The following CSMD2 variants were observed in gnomAD, a reference collection of about 807,000 sequenced individuals.
The protein encoded by CSMD2 is CUB and sushi domain-containing protein 2.
CSMD2 carries 130 observed loss-of-function variants against 398.5 expected under a neutral mutation model. The ratio of observed to expected loss-of-function variants is 0.33; its 90% CI spans 0.28 to 0.38. CSMD2 has a LOEUF of 0.38. CSMD2 is among the 10% of genes least tolerant of loss of function. CSMD2 has a pLI of 1.00. For synonymous variants in CSMD2, 1,828 were observed against 1,908.5 expected (o/e 0.96, Z 1.10); for missense variants, 3,829 against 4,764.9 (o/e 0.80, Z 5.78).
At chr1:34,000,944 T>G (rs1303794763) in intron 3 of CSMD2, among the ~76,000 whole-genome samples, 43 of 118,036 alleles carry the variant, frequency 3.6e-4, no homozygotes, top group South Asian at 1.1e-3. Context: ...GAAGGGGAGG[T>G]GGAGGAGGAA....
At chr1:33,549,251 C>T (rs962722402) in intron 56 of CSMD2, among the ~76,000 whole-genome samples, 5 of 152,152 alleles carry the variant, frequency 3.3e-5, no homozygotes, top group South Asian at 2.1e-4. Flanking sequence ...GGTCATGATC[C>T]TTTCCTCTGA....
At chr1:33,832,823 C>T (rs1659758163) in intron 6 of CSMD2, among the ~76,000 whole-genome samples, 1 of 152,014 alleles carries the variant, frequency 6.6e-6, no homozygotes, top group South Asian at 2.1e-4. Context: ...GGGGATATCA[C>T]CACTGATCCC....
intron 13 of CSMD2, among the ~76,000 whole-genome samples, chr1:33,760,979 G>A (rs748289294): frequency 6.6e-6 from 1 of 152,168 alleles, no homozygotes; most frequent in South Asian, 2.1e-4. Flanking sequence ...GAATGAACAG[G>A]TAACTCCAAG....
chr1:33,906,877 A>G (rs1050842914), intron 5 of CSMD2, among the ~76,000 whole-genome samples: 4 of 152,094 alleles, frequency 2.6e-5, no homozygotes, highest in African/African-American at 4.8e-5. Context: ...GTACAGCAAG[A>G]AGGAATGGAC....
In CSMD2 at chr1:33,714,792, A is replaced by G; in HGVS notation, c.3218-17T>C. The G allele has an allele frequency of 6.2e-7, 1 of 1,612,574 alleles. No individual in the cohort carries two copies. Among genetic ancestry groups the G allele is most frequent in the Admixed American group, 1.7e-5 (1 of 59,962 alleles). On this transcript the variant is annotated splice_polypyrimidine_tract_variant and intron_variant, in intron 20 of 70. Transcript: ENST00000373381. The stretch of plus-strand genomic sequence containing the variant: ...AGTCGTACTCTGGAAAGGTAGCAGG[A>G]GATCCGGGCTCAGAGACATTGCGGG...
intron 15 of CSMD2, among the ~76,000 whole-genome samples, chr1:33,729,470 T>A (rs562634150): frequency 2.3e-4 from 34 of 146,100 alleles, no homozygotes; most frequent in African/African-American, 8.0e-4. Context: ...TTTTTTTTTT[T>A]AATTTTTTAA....
chr1:33,761,794 A>G (rs1005856446), intron 13 of CSMD2, among the ~76,000 whole-genome samples: 2 of 152,210 alleles, frequency 1.3e-5, no homozygotes, highest in African/African-American at 4.8e-5. Flanking sequence ...TCTCCATGAC[A>G]CAAGGAAGTA....
chr1:33,944,489 C>T lies in CSMD2; in HGVS notation c.518-8535G>A, dbSNP rs191743142. ...AGGGAAGGGCTTGTGTATTTATAGC[C>T]TCCACCCTTCCCCATTAAAATAGGA... On this transcript the variant is annotated intron_variant, in intron 3 of 70. Coordinates refer to ENST00000373381, the MANE Select transcript of CSMD2 (RefSeq NM_001281956.2). 2.6e-4 allele frequency among the ~76,000 whole-genome samples: 40 copies of T among 152,256 alleles called. No homozygotes were observed. In the East Asian group the frequency reaches 7.7e-3, roughly 29 times the overall value.
At chr1:33,827,735 T>C (rs1396976050) in intron 6 of CSMD2, among the ~76,000 whole-genome samples, 8 of 152,238 alleles carry the variant, frequency 5.3e-5, no homozygotes, top group Admixed American at 5.2e-4. Flanking sequence ...CTGGTAGTTA[T>C]TATACCTACT....
At chr1:33,670,764 A>G (rs1193191310) in intron 25 of CSMD2, among the ~76,000 whole-genome samples, 1 of 152,238 alleles carries the variant, frequency 6.6e-6, no homozygotes, top group Non-Finnish European at 1.5e-5. Context: ...TTCAGATAGC[A>G]TACTAGGCAC....
intron 1 of CSMD2, among the ~76,000 whole-genome samples, chr1:34,120,572 T>G (rs1662073997): frequency 6.6e-6 from 1 of 152,142 alleles, no homozygotes; most frequent in African/African-American, 2.4e-5. Flanking sequence ...GAGATTGAGT[T>G]TTGCTCTTGT....
intron 1 of CSMD2, among the ~76,000 whole-genome samples, chr1:34,116,453 A>G (rs1279931834): frequency 6.6e-6 from 1 of 152,070 alleles, no homozygotes; most frequent in Non-Finnish European, 1.5e-5. Context: ...TATAACAATT[A>G]TAAACATATA....
intron 55 of CSMD2, among the ~76,000 whole-genome samples, chr1:33,556,722 C>T (rs942488328): frequency 1.7e-4 from 26 of 152,118 alleles, no homozygotes; most frequent in African/African-American, 4.3e-4. Flanking sequence ...GGGAGAGACC[C>T]GGTGGGAGGT....
intron 1 of CSMD2, among the ~76,000 whole-genome samples, chr1:34,091,387 T>C (rs925809175): frequency 3.3e-5 from 5 of 152,338 alleles, no homozygotes; most frequent in African/African-American, 1.2e-4. Context: ...CGGTAGATAC[T>C]ATTACTATCA....
In CSMD2 at chr1:34,164,113, C is replaced by A. The variant is rs1641628596; in HGVS notation, c.187+798G>T. 1.3e-5 allele frequency among the ~76,000 whole-genome samples: 2 copies of A among 152,048 alleles called. No homozygotes were observed. Among genetic ancestry groups the A allele is most frequent in the African/African-American group, 4.8e-5 (2 of 41,420 alleles). On this transcript the variant is annotated intron_variant, in intron 1 of 70. Coordinates refer to ENST00000373381, the MANE Select transcript of CSMD2 (RefSeq NM_001281956.2). The surrounding 1 kb of genome is among the most constrained non-coding windows in gnomAD (Gnocchi z 6.2). ...CGAGGCGCTCGGCTGCAGCAGGGCG[C>A]GGGAAAGGGCACTTTGGCGCGGAGT...
chr1:33,925,824 C>T (rs1644109264), intron 4 of CSMD2, among the ~76,000 whole-genome samples: 1 of 152,132 alleles, frequency 6.6e-6, no homozygotes, highest in Non-Finnish European at 1.5e-5. Flanking sequence ...CTGCAGCCAC[C>T]CTGGCCTCCT....
At chr1:33,547,385 T>C (rs1468628404) in intron 56 of CSMD2, among the ~76,000 whole-genome samples, 2 of 152,212 alleles carry the variant, frequency 1.3e-5, no homozygotes, top group African/African-American at 4.8e-5. Context: ...ACCGAATAAA[T>C]GACAACTGCA....
rs920437379 is a variant in CSMD2 at position 33,514,304 on chromosome 1, T to A, written c.*2320A>T. 1 of 151,832 alleles carries A rather than the reference T, an allele frequency of 6.6e-6. No homozygotes were observed. The highest frequency in any genetic ancestry group is 2.4e-5 in the African/African-American group (1 of 41,250). The allele number at this position is 151,832 out of a possible 1,614,324, so 9.4% of individuals were successfully genotyped here. A position where few individuals can be genotyped will look rare whatever the true frequency, so the allele number is the denominator to read the frequency against. ...CCTTTTTTTTTTTCTTTTTTGGTAC[T>A]GTACAAACTTTGTATAATAAAAATA... On this transcript the variant is annotated 3_prime_UTR_variant, in exon 71 of 71. Coordinates refer to ENST00000373381, the MANE Select transcript of CSMD2 (RefSeq NM_001281956.2).
intron 3 of CSMD2, among the ~76,000 whole-genome samples, chr1:33,970,106 C>CAA (rs1217263931): frequency 1.7e-4 from 17 of 98,800 alleles, no homozygotes; most frequent in African/African-American, 4.7e-4. Context: ...AACTCCATCT[C>CAA]AAAAAAAAAA....
Sources: allele counts gnomAD v4.1 joint callset (sites outside exome capture counted in the v4.1 genomes callset), GRCh38; gene constraint gnomAD v4.1.1; non-coding constraint Gnocchi (gnomAD v3.1); transcripts MANE v1.5; gene names NCBI Gene and HGNC (gene_info 2026-07-23, HGNC 2026-07-21).